Variants in NRCAM observed in about 807,000 individuals in gnomAD.
The protein encoded by NRCAM is neuronal cell adhesion molecule.
NRCAM carries 83 observed loss-of-function variants against 156.5 expected under a neutral mutation model. That is an observed-to-expected ratio of 0.53 (90% CI 0.44 to 0.64). NRCAM has a LOEUF of 0.64. NRCAM is among the 30% of genes least tolerant of loss of function. The pLI is 0.00. For synonymous variants in NRCAM, 538 were observed against 563.9 expected, an observed-to-expected ratio of 0.95 and a Z score of 0.65; for missense variants, 1,417 against 1,597.3, an observed-to-expected ratio of 0.89 and a Z score of 1.92.
chr7:108,268,612 G>A (rs1179101494), intron 3 of NRCAM, among the ~76,000 whole-genome samples: 7 of 125,458 alleles, frequency 5.6e-5, no homozygotes, highest in Non-Finnish European at 1.2e-4. Flanking sequence ...AATGAGCGGG[G>A]CGGGGGTGGG....
chr7:108,397,701 T>C (rs912337102), intron 2 of NRCAM, among the ~76,000 whole-genome samples: 4 of 152,326 alleles, frequency 2.6e-5, no homozygotes, highest in Admixed American at 1.3e-4. Flanking sequence ...AAGAATGACA[T>C]TTGAGAAAGC....
At chr7:108,161,325 C>A (rs1159474292) in intron 30 of NRCAM, among the ~76,000 whole-genome samples, 3 of 152,144 alleles carry the variant, frequency 2.0e-5, no homozygotes, top group Non-Finnish European at 2.9e-5. Flanking sequence ...ATGTGAAACC[C>A]CTTATTCCAT....
At chr7:108,184,667 G>A (rs1433754057) in intron 20 of NRCAM, 53 bp from the exon 21 acceptor site, 2 of 1,511,652 alleles carry the variant, frequency 1.3e-6, no homozygotes, top group Non-Finnish European at 1.8e-6. Context: ...AGTCAACTCA[G>A]GGGTAGCTGC....
intron 11 of NRCAM, among the ~76,000 whole-genome samples, chr7:108,219,547 T>C (rs2091333814): frequency 6.6e-6 from 1 of 152,154 alleles, no homozygotes; most frequent in African/African-American, 2.4e-5. Flanking sequence ...TGGTTTAACA[T>C]ACACAAGTCA....
chr7:108,341,479 T>C (rs987285839), intron 2 of NRCAM, among the ~76,000 whole-genome samples: 1 of 152,176 alleles, frequency 6.6e-6, no homozygotes, highest in African/African-American at 2.4e-5. Flanking sequence ...TTTCACATGC[T>C]TTTCTAATTA....
intron 2 of NRCAM, among the ~76,000 whole-genome samples, chr7:108,341,398 G>T (rs372625106): frequency 2.7e-4 from 41 of 152,248 alleles, no homozygotes; most frequent in African/African-American, 9.9e-4. Context: ...GTCACTATCC[G>T]AGGGGTCCTA....
intron 2 of NRCAM, among the ~76,000 whole-genome samples, chr7:108,361,853 G>A (rs949829817): frequency 4.6e-5 from 7 of 151,538 alleles, no homozygotes; most frequent in South Asian, 2.1e-4. Context: ...GTGTATATAC[G>A]TATATGTATT....
At chr7:108,162,887 T>C (rs2050139167) in intron 30 of NRCAM, among the ~76,000 whole-genome samples, 1 of 152,138 alleles carries the variant, frequency 6.6e-6, no homozygotes, top group Admixed American at 6.5e-5. Flanking sequence ...TTTCCATCCA[T>C]AAAAGAAAAG....
intron 3 of NRCAM, among the ~76,000 whole-genome samples, chr7:108,283,446 G>A (rs559721153): frequency 6.6e-6 from 1 of 152,340 alleles, no homozygotes; most frequent in African/African-American, 2.4e-5. Flanking sequence ...AATTGAAGGT[G>A]ATGCCATCTG....
At chr7:108,303,014 T>G (rs2098652890) in intron 3 of NRCAM, among the ~76,000 whole-genome samples, 1 of 152,180 alleles carries the variant, frequency 6.6e-6, no homozygotes, top group East Asian at 1.9e-4. Context: ...CAGGTTGGAG[T>G]GCAGTGGCTC....
intron 3 of NRCAM, 141 bp from the exon 4 acceptor site, chr7:108,240,311 C>T (rs953116572): frequency 3.0e-6 from 1 of 334,786 alleles, no homozygotes; most frequent in African/African-American, 2.2e-5. Flanking sequence ...ATTTAACTCT[C>T]AAAACTGGAG....
chr7:108,411,510 T>C (rs1040694216), intron 1 of NRCAM, among the ~76,000 whole-genome samples: 1 of 152,334 alleles, frequency 6.6e-6, no homozygotes, highest in African/African-American at 2.4e-5. Flanking sequence ...GATTGTTCCA[T>C]ATCAGTAGAC....
At chr7:108,176,897 CCT>C (rs1285647617) in intron 26 of NRCAM, 3 of 204,100 alleles carry the variant, frequency 1.5e-5, no homozygotes, top group African/African-American at 2.3e-5. Flanking sequence ...AATTTTTTCC[CCT>C]GTGTTCTTGC....
chr7:108,210,248 G>GTTTT (rs1420152007), intron 11 of NRCAM, among the ~76,000 whole-genome samples: 1 of 88,366 alleles, frequency 1.1e-5, no homozygotes, highest in Non-Finnish European at 2.8e-5. Context: ...CCAATGTTTT[G>GTTTT]TTTTGTTTTT....
chr7:108,318,069 G>A lies in NRCAM; in HGVS notation c.-173-5338C>T, dbSNP rs572692577. ...TTTTTTTTTTTTTTTTTTTTGAGAC[G>A]GAGTCTCACTCTGTCGCCCAGACTG... On this transcript the variant is annotated intron_variant, in intron 2 of 32. Coordinates refer to ENST00000379028, the MANE Select transcript of NRCAM (RefSeq NM_001037132.4). Among the ~76,000 whole-genome samples the A allele has an allele frequency of 4.2e-3, 429 of 102,142 alleles. 6 individuals are homozygous for A. Among genetic ancestry groups the A allele is most frequent in the African/African-American group, 0.015 (407 of 28,036 alleles). The allele number at this position is 102,142 out of a possible 152,430, so 67.0% of individuals were successfully genotyped here.
chr7:108,193,666 A>G (rs748322889), intron 17 of NRCAM, among the ~76,000 whole-genome samples: 2 of 152,252 alleles, frequency 1.3e-5, no homozygotes, highest in Non-Finnish European at 2.9e-5. Context: ...TGGTGATTAA[A>G]GAGGTCATAT....
intron 2 of NRCAM, among the ~76,000 whole-genome samples, chr7:108,364,766 A>C (rs1420338741): frequency 1.3e-5 from 2 of 149,206 alleles, no homozygotes; most frequent in Non-Finnish European, 3.0e-5. Flanking sequence ...CATTCCACTC[A>C]TATGAAATGT....
chr7:108,423,257 A>G (rs574515589), intron 1 of NRCAM, among the ~76,000 whole-genome samples: 4 of 152,224 alleles, frequency 2.6e-5, no homozygotes. Context: ...TCAGGAAAGG[A>G]AGTAAATGAA....
intron 4 of NRCAM, 110 bp downstream of exon 4, chr7:108,239,849 G>T: frequency 1.6e-6 from 1 of 635,784 alleles, no homozygotes; most frequent in South Asian, 2.1e-5. Context: ...ATTTTGATTA[G>T]CTTTTCAGTA....
Sources: allele counts gnomAD v4.1 joint callset (sites outside exome capture counted in the v4.1 genomes callset), GRCh38; gene constraint gnomAD v4.1.1; transcripts MANE v1.5; gene names NCBI Gene and HGNC (gene_info 2026-07-23, HGNC 2026-07-21).